UGGT2: variants seen among roughly 807,000 people sequenced by gnomAD.
The protein encoded by UGGT2 is UDP-glucose:glycoprotein glucosyltransferase 2.
Under a neutral mutation model 192.1 loss-of-function variants are expected in UGGT2, and 180 were observed. That is an observed-to-expected ratio of 0.94 (90% CI 0.83 to 1.06). The LOEUF (loss-of-function observed/expected upper bound fraction) is 1.06, where lower values mean the gene tolerates loss of function less well. UGGT2 is among the 50% of genes least tolerant of loss of function. The probability of loss-of-function intolerance (pLI) is 0.00; values close to 1 mark genes in which losing one functional copy is unlikely to be tolerated. For synonymous variants in UGGT2, 580 were observed against 591.0 expected, an observed-to-expected ratio of 0.98 and a Z score of 0.27; for missense variants, 1,849 against 1,795.7, an observed-to-expected ratio of 1.03 and a Z score of -0.54.
At chr13:95,868,872 C>T (rs1890932027) in intron 29 of UGGT2, among the ~76,000 whole-genome samples, 2 of 151,870 alleles carry the variant, frequency 1.3e-5, no homozygotes, top group African/African-American at 2.4e-5. Context: ...TCTCATTTTA[C>T]TTCAGGCACT....
At chr13:95,838,461 A>G (rs1280742366) in intron 36 of UGGT2, among the ~76,000 whole-genome samples, 1 of 152,164 alleles carries the variant, frequency 6.6e-6, no homozygotes, top group Admixed American at 6.5e-5. Context: ...TCTAAAGTTT[A>G]GGGAAAAAGG....
chr13:96,023,894 T>C, intron 2 of UGGT2, 135 bp from the exon 3 acceptor site: 3 of 679,208 alleles, frequency 4.4e-6, no homozygotes, highest in Non-Finnish European at 6.3e-6. Context: ...TAGAGAAAAA[T>C]GGAAAAATCA....
rs146334407 is a variant in UGGT2, at chr13:96,024,402, C to G, written c.242-643G>C. On this transcript the variant is annotated intron_variant, in intron 2 of 38. Transcript: ENST00000376747. ...CCAACACCCCTGGGGAGACAGAGAT[C>G]ACTTGAATGGGAGAAGGCAGAAAAG... 5.3e-5 allele frequency among the ~76,000 whole-genome samples: 8 copies of G among 152,292 alleles called. No homozygotes were observed. The East Asian group carries it at 1.4e-3, about 26-fold the overall frequency.
chr13:96,022,729 G>A (rs1242562193), intron 4 of UGGT2, among the ~76,000 whole-genome samples: 1 of 151,692 alleles, frequency 6.6e-6, no homozygotes, highest in Non-Finnish European at 1.5e-5. Context: ...TATTCCCCAG[G>A]TATATATTCA....
At chr13:95,885,256 T>G (rs1267783510) in intron 26 of UGGT2, among the ~76,000 whole-genome samples, 1 of 152,222 alleles carries the variant, frequency 6.6e-6, no homozygotes, top group African/African-American at 2.4e-5. Flanking sequence ...TATGTTATGC[T>G]ATCAAGGCTA....
rs893095773 is a variant in UGGT2, at chr13:95,803,409, C to T, written c.4529-1597G>A. ...CTGAGTAGCTGGGATTACAGGCATG[C>T]GCCACCACGCCTGGCTAATTTTGTA... On this transcript the variant is annotated intron_variant, in intron 38 of 38. Coordinates refer to ENST00000376747, the MANE Select transcript of UGGT2 (RefSeq NM_020121.4). 5.3e-5 allele frequency among the ~76,000 whole-genome samples: 8 copies of T among 151,998 alleles called. No homozygotes were observed. In the East Asian group the frequency reaches 5.8e-4, roughly 11 times the overall value.
chr13:95,856,080 C>T (rs974705585), intron 34 of UGGT2, 78 bp downstream of exon 34: 10 of 1,165,976 alleles, frequency 8.6e-6, no homozygotes, highest in African/African-American at 1.6e-5. Flanking sequence ...ACATGAGCAA[C>T]ATGAATTAAT....
At chr13:95,850,566 A>G (rs1380917035) in intron 36 of UGGT2, among the ~76,000 whole-genome samples, 1 of 152,248 alleles carries the variant, frequency 6.6e-6, no homozygotes, top group Non-Finnish European at 1.5e-5. Flanking sequence ...AATGGAGTAG[A>G]CATGCTGGCA....
chr13:95,834,286 C>G (rs1887042968), intron 37 of UGGT2, among the ~76,000 whole-genome samples: 1 of 151,900 alleles, frequency 6.6e-6, no homozygotes. Context: ...TGTTTCTTAA[C>G]TGGGTAATCA....
intron 38 of UGGT2, among the ~76,000 whole-genome samples, chr13:95,826,759 C>T (rs1886086637): frequency 6.6e-6 from 1 of 151,888 alleles, no homozygotes; most frequent in Non-Finnish European, 1.5e-5. Context: ...TCAATTCTCT[C>T]AAGCCAACTA....
chr13:96,015,834 T>C (rs1218390185), intron 4 of UGGT2, among the ~76,000 whole-genome samples: 2 of 152,256 alleles, frequency 1.3e-5, no homozygotes, highest in African/African-American at 4.8e-5. Flanking sequence ...TTGTTTACTG[T>C]AAACTACCTA....
chr13:95,973,906 A>G (rs1434595180), intron 10 of UGGT2, among the ~76,000 whole-genome samples: 1 of 152,226 alleles, frequency 6.6e-6, no homozygotes, highest in African/African-American at 2.4e-5. Flanking sequence ...TGTCACCTAT[A>G]AAGTGCTCAC....
chr13:96,027,055 T>C (rs1248181484), intron 2 of UGGT2, among the ~76,000 whole-genome samples: 1 of 152,106 alleles, frequency 6.6e-6, no homozygotes, highest in African/African-American at 2.4e-5. Flanking sequence ...CAAAAAATAA[T>C]GCAAATAAGA....
At position 95,983,121 on chromosome 13, in the gene UGGT2, A is replaced by T. The variant is rs951019945; in HGVS notation, c.1092+683T>A. 2.0e-5 allele frequency among the ~76,000 whole-genome samples: 3 copies of T among 152,104 alleles called. No individual in the cohort carries two copies. The South Asian group carries it at 6.2e-4, about 32-fold the overall frequency. On this transcript the variant is annotated intron_variant, in intron 10 of 38. Coordinates refer to ENST00000376747, the MANE Select transcript of UGGT2 (RefSeq NM_020121.4). ...AAGGTGGCCACATGGCAAAATCCTC[A>T]CCAATGAGATAGAAACCAGTCTGCT...
At chr13:95,913,557 A>G (rs959420626) in intron 20 of UGGT2, among the ~76,000 whole-genome samples, 2 of 152,220 alleles carry the variant, frequency 1.3e-5, no homozygotes, top group African/African-American at 4.8e-5. Context: ...CACCAGTTAG[A>G]ATAGCAATCA....
chr13:95,970,087 A>G (rs772585543), intron 12 of UGGT2, 25 bp downstream of exon 12: 44 of 1,587,970 alleles, frequency 2.8e-5, no homozygotes, highest in Non-Finnish European at 3.8e-5. Flanking sequence ...CAGGTTTTAG[A>G]ACAAGGAATA....
At chr13:96,038,959 A>T (rs2053086401) in intron 1 of UGGT2, among the ~76,000 whole-genome samples, 1 of 152,208 alleles carries the variant, frequency 6.6e-6, no homozygotes, top group Non-Finnish European at 1.5e-5. Flanking sequence ...TCCACCTGTG[A>T]AACTAGAAAA....
intron 10 of UGGT2, among the ~76,000 whole-genome samples, chr13:95,981,634 T>C (rs1253972304): frequency 6.6e-6 from 1 of 152,100 alleles, no homozygotes; most frequent in African/African-American, 2.4e-5. Context: ...AAAAAGACCA[T>C]TATTACTTCT....
intron 6 of UGGT2, among the ~76,000 whole-genome samples, chr13:95,998,915 G>A (rs1341271732): frequency 6.6e-6 from 1 of 152,164 alleles, no homozygotes; most frequent in Non-Finnish European, 1.5e-5. Flanking sequence ...TTGCCACAGT[G>A]TACCTTACAT....
Sources: gnomAD v4.1 joint callset for allele counts (sites outside exome capture counted in the v4.1 genomes callset) on GRCh38, gnomAD v4.1.1 for gene constraint, MANE v1.5 for transcripts, NCBI Gene and HGNC (gene_info 2026-07-23, HGNC 2026-07-21) for gene names.